THSD7A: variants seen among roughly 807,000 people sequenced by gnomAD.
The protein encoded by THSD7A is thrombospondin type 1 domain containing 7A, also known as thrombospondin type-1 domain-containing protein 7A.
In THSD7A, 96 loss-of-function variants were observed where a neutral mutation model predicts 231.3. That is an observed-to-expected ratio of 0.41 (90% CI 0.35 to 0.49). The LOEUF (loss-of-function observed/expected upper bound fraction) is 0.49. THSD7A is among the 20% of genes least tolerant of loss of function. THSD7A has a pLI of 0.05. For synonymous variants in THSD7A, 940 were observed against 743.3 expected, an observed-to-expected ratio of 1.26 and a Z score of -4.30; for missense variants, 2,290 against 2,070.2, an observed-to-expected ratio of 1.11 and a Z score of -2.06.
chr7:11,830,846 A>G (rs998895183), intron 1 of THSD7A, among the ~76,000 whole-genome samples: 5 of 152,210 alleles, frequency 3.3e-5, no homozygotes, highest in Admixed American at 3.3e-4. Context: ...AATGTTTGGC[A>G]TGACCAAGTT....
chr7:11,767,939 T>G (rs1783083629), intron 1 of THSD7A, among the ~76,000 whole-genome samples: 1 of 152,190 alleles, frequency 6.6e-6, no homozygotes, highest in Non-Finnish European at 1.5e-5. Context: ...AGACATTTTC[T>G]TACTTTAACA....
chr7:11,604,983 C>T (rs775582403), intron 2 of THSD7A, among the ~76,000 whole-genome samples: 2 of 152,010 alleles, frequency 1.3e-5, no homozygotes, highest in Admixed American at 6.6e-5. Flanking sequence ...GCATCATACA[C>T]ACATGGCCTT....
intron 7 of THSD7A, among the ~76,000 whole-genome samples, chr7:11,476,385 T>C (rs1331003568): frequency 6.7e-6 from 1 of 149,680 alleles, no homozygotes; most frequent in African/African-American, 2.5e-5. Context: ...TGTAAAGAAC[T>C]AATTTTACCT....
chr7:11,697,063 T>A (rs1343435987), intron 1 of THSD7A, among the ~76,000 whole-genome samples: 3 of 151,446 alleles, frequency 2.0e-5, no homozygotes, highest in African/African-American at 7.3e-5. Flanking sequence ...TCCTTGAATT[T>A]AATAACGATT....
At chr7:11,650,494 C>T (rs375569759) in intron 1 of THSD7A, among the ~76,000 whole-genome samples, 17 of 152,014 alleles carry the variant, frequency 1.1e-4, no homozygotes, top group African/African-American at 3.4e-4. Flanking sequence ...AAACACTATC[C>T]ACTTGCTTCT....
chr7:11,619,090 G>A (rs1307819514), intron 2 of THSD7A, among the ~76,000 whole-genome samples: 2 of 151,734 alleles, frequency 1.3e-5, no homozygotes, highest in African/African-American at 4.8e-5. Flanking sequence ...ATTATATTAG[G>A]CAATATTTAT....
At chr7:11,600,939 A>T (rs1780530326) in intron 2 of THSD7A, among the ~76,000 whole-genome samples, 1 of 152,220 alleles carries the variant, frequency 6.6e-6, no homozygotes, top group Admixed American at 6.5e-5. Context: ...TCTGTGAGTC[A>T]GCTCTGTTTT....
intron 1 of THSD7A, among the ~76,000 whole-genome samples, chr7:11,775,547 A>G (rs957913585): frequency 2.6e-5 from 4 of 152,220 alleles, no homozygotes; most frequent in African/African-American, 4.8e-5. Flanking sequence ...GTGCTACAAC[A>G]TGGACATTAT....
chr7:11,378,828 A>G (rs1583632793), intron 26 of THSD7A: 2 of 489,056 alleles, frequency 4.1e-6, no homozygotes, highest in East Asian at 6.9e-5. Context: ...AATTGAATTG[A>G]ATTATATTGA....
chr7:11,635,575 C>T (rs570183047), intron 2 of THSD7A, among the ~76,000 whole-genome samples: 1 of 152,316 alleles, frequency 6.6e-6, no homozygotes, highest in South Asian at 2.1e-4. Flanking sequence ...TCAATACCCT[C>T]TACTTACCTT....
chr7:11,788,701 C>A (rs1453711590), intron 1 of THSD7A, among the ~76,000 whole-genome samples: 1 of 151,964 alleles, frequency 6.6e-6, no homozygotes, highest in East Asian at 1.9e-4. Flanking sequence ...GATCAGACTG[C>A]TTTTATTCAA....
intron 1 of THSD7A, among the ~76,000 whole-genome samples, chr7:11,738,313 C>A (rs562163380): frequency 2.6e-5 from 4 of 152,058 alleles, no homozygotes; most frequent in African/African-American, 9.6e-5. Context: ...TTTCTTCAAG[C>A]GTTTCAGATT....
At chr7:11,644,648 A>C (rs143406415) in intron 1 of THSD7A, among the ~76,000 whole-genome samples, 180 of 152,140 alleles carry the variant, frequency 1.2e-3, no homozygotes, top group South Asian at 8.5e-3. Context: ...CAAAATTAGA[A>C]CAGGCTGTTT....
chr7:11,588,030 A>G (rs999592991), intron 4 of THSD7A, among the ~76,000 whole-genome samples: 2 of 152,234 alleles, frequency 1.3e-5, no homozygotes, highest in Non-Finnish European at 2.9e-5. Context: ...TGTTCATAGT[A>G]CAGGTTGTTC....
chr7:11,427,182 A>G (rs1194755330), intron 14 of THSD7A, among the ~76,000 whole-genome samples: 1 of 152,200 alleles, frequency 6.6e-6, no homozygotes, highest in African/African-American at 2.4e-5. Context: ...TGATTATTTT[A>G]CTGAGGAACA....
At chr7:11,789,295 GTTATGCTTTTA>G (rs1218866540) in intron 1 of THSD7A, among the ~76,000 whole-genome samples, 1 of 152,008 alleles carries the variant, frequency 6.6e-6, no homozygotes, top group Non-Finnish European at 1.5e-5. Flanking sequence ...GCTGGTAACT[GTTATGCTTTTA>G]TTATGCTTTT....
At position 11,813,890 on chromosome 7, in the gene THSD7A, T is replaced by C. The variant is rs150235102; in HGVS notation, c.190+17867A>G. On this transcript the variant is annotated intron_variant, in intron 1 of 27. Coordinates refer to ENST00000423059, the MANE Select transcript of THSD7A (RefSeq NM_015204.3). ...AAAACTTGTACATCAATGTTCATAG[T>C]AGCATGATTCATAATAGCCAAAAGG... Among the ~76,000 whole-genome samples, 1,291 of 152,232 alleles carry C rather than the reference T, an allele frequency of 8.5e-3. 16 individuals carry two copies. The highest frequency in any genetic ancestry group is 0.03 in the African/African-American group (1,232 of 41,536).
chr7:11,707,802 C>G (rs1331057775), intron 1 of THSD7A, among the ~76,000 whole-genome samples: 1 of 150,714 alleles, frequency 6.6e-6, no homozygotes, highest in East Asian at 2.0e-4. Context: ...CAGCTTGAGC[C>G]AAAATAACTC....
rs1258270494 is a variant in THSD7A at position 11,371,926 on chromosome 7, A to G, written c.*3868T>C. 6.6e-6 allele frequency: 1 copy of G among 151,576 alleles called. No individual in the cohort carries two copies. Among genetic ancestry groups the G allele is most frequent in the East Asian group, 1.9e-4 (1 of 5,152 alleles). The allele number at this position is 151,576 out of a possible 1,614,324, so 9.4% of individuals were successfully genotyped here. On this transcript the variant is annotated 3_prime_UTR_variant, in exon 28 of 28. Transcript: ENST00000423059. ...TTTAATTAAAAAATTGGGCATGTTT[A>G]GTGGGAAGTAGGTAAGAATAGCTGT...
Sources: allele counts gnomAD v4.1 joint callset (sites outside exome capture counted in the v4.1 genomes callset), GRCh38; gene constraint gnomAD v4.1.1; transcripts MANE v1.5; gene names NCBI Gene and HGNC (gene_info 2026-07-23, HGNC 2026-07-21).